FRMD4B: variants seen among roughly 807,000 people sequenced by gnomAD.
FRMD4B encodes FERM domain containing 4B.
FRMD4B carries 74 observed loss-of-function variants against 141.5 expected under a neutral mutation model. The ratio of observed to expected loss-of-function variants is 0.52; its 90% CI spans 0.43 to 0.63. The LOEUF (loss-of-function observed/expected upper bound fraction) is 0.63. FRMD4B is among the 30% of genes least tolerant of loss of function. The probability of loss-of-function intolerance (pLI) is 0.00; values close to 1 mark genes in which losing one functional copy is unlikely to be tolerated. For synonymous variants in FRMD4B, 506 were observed against 467.9 expected (o/e 1.08, Z -1.05); for missense variants, 1,366 against 1,253.4 (o/e 1.09, Z -1.36).
At chr3:69,448,526 T>C (rs1181514592) in intron 1 of FRMD4B, among the ~76,000 whole-genome samples, 1 of 152,232 alleles carries the variant, frequency 6.6e-6, no homozygotes, top group Non-Finnish European at 1.5e-5. Flanking sequence ...TCACTGATAC[T>C]TGCCATTGTT....
At chr3:69,271,995 AAAAT>A (rs965518350) in intron 5 of FRMD4B, among the ~76,000 whole-genome samples, 4 of 152,096 alleles carry the variant, frequency 2.6e-5, no homozygotes, top group South Asian at 2.1e-4. Context: ...AAAATAAAAT[AAAAT>A]AAATAAAATA....
intron 5 of FRMD4B, among the ~76,000 whole-genome samples, chr3:69,262,913 T>C (rs1314691325): frequency 6.6e-6 from 1 of 152,170 alleles, no homozygotes; most frequent in Non-Finnish European, 1.5e-5. Flanking sequence ...ACATACTGTA[T>C]GACTCCTGTC....
intron 1 of FRMD4B, among the ~76,000 whole-genome samples, chr3:69,475,118 C>A (rs1411692209): frequency 1.3e-5 from 2 of 152,168 alleles, no homozygotes; most frequent in Non-Finnish European, 2.9e-5. Flanking sequence ...TTATTACTTA[C>A]CTCACTAGTG....
chr3:69,460,510 G>A (rs1705693234), intron 1 of FRMD4B, among the ~76,000 whole-genome samples: 1 of 152,190 alleles, frequency 6.6e-6, no homozygotes, highest in Admixed American at 6.5e-5. Context: ...ATTGTCATCA[G>A]TAATTCCCAA....
intron 5 of FRMD4B, among the ~76,000 whole-genome samples, chr3:69,251,551 C>T (rs930065556): frequency 1.3e-5 from 2 of 152,160 alleles, no homozygotes; most frequent in Non-Finnish European, 2.9e-5. Context: ...TTCATGTTTC[C>T]CTTATATTAC....
chr3:69,447,686 T>C (rs910939869), intron 1 of FRMD4B, among the ~76,000 whole-genome samples: 6 of 152,350 alleles, frequency 3.9e-5, no homozygotes, highest in African/African-American at 1.4e-4. Flanking sequence ...TATCCCTTTG[T>C]GCTCATTTCT....
intron 1 of FRMD4B, among the ~76,000 whole-genome samples, chr3:69,454,798 G>A (rs963036360): frequency 3.9e-5 from 6 of 152,226 alleles, no homozygotes; most frequent in Non-Finnish European, 7.3e-5. Flanking sequence ...AACTGCTAAA[G>A]GGCTGAGGAG....
intron 5 of FRMD4B, among the ~76,000 whole-genome samples, chr3:69,274,628 C>T (rs548240522): frequency 1.3e-5 from 2 of 152,286 alleles, no homozygotes; most frequent in South Asian, 2.1e-4. Context: ...AAGCAATTCT[C>T]GTGCCTCAAT....
At chr3:69,435,113 TC>T (rs1356201212) in intron 1 of FRMD4B, among the ~76,000 whole-genome samples, 1 of 152,136 alleles carries the variant, frequency 6.6e-6, no homozygotes, top group Non-Finnish European at 1.5e-5. Context: ...AGAGACCCTA[TC>T]CACATGCACA....
At chr3:69,536,305 T>G in intron 1 of FRMD4B, 1 of 642,654 alleles carries the variant, frequency 1.6e-6, no homozygotes, top group Non-Finnish European at 2.9e-6. Flanking sequence ...GATTTTCCTC[T>G]TGTGCTTGGG....
intron 5 of FRMD4B, among the ~76,000 whole-genome samples, chr3:69,276,721 T>C (rs1004127743): frequency 1.3e-5 from 2 of 152,232 alleles, no homozygotes; most frequent in South Asian, 2.1e-4. Flanking sequence ...TTCCAACAAT[T>C]TGGGGGGCTG....
chr3:69,211,860 A>AT (rs1465928139), intron 11 of FRMD4B, among the ~76,000 whole-genome samples: 1 of 152,204 alleles, frequency 6.6e-6, no homozygotes, highest in Non-Finnish European at 1.5e-5. Flanking sequence ...GGTCCTTTAA[A>AT]TTATGCATTC....
At chr3:69,492,582 A>T (rs74992154) in intron 1 of FRMD4B, among the ~76,000 whole-genome samples, 1 of 152,186 alleles carries the variant, frequency 6.6e-6, no homozygotes, top group Non-Finnish European at 1.5e-5. Flanking sequence ...GGACCTTGCT[A>T]TGTGCATAAA....
chr3:69,302,227 C>T, intron 4 of FRMD4B, 116 bp downstream of exon 4: 1 of 673,706 alleles, frequency 1.5e-6, no homozygotes, highest in Admixed American at 2.4e-5. Context: ...GGTCTCTTCT[C>T]TTTTTATTTG....
intron 5 of FRMD4B, among the ~76,000 whole-genome samples, chr3:69,277,113 T>C (rs992636506): frequency 6.6e-6 from 1 of 152,220 alleles, no homozygotes; most frequent in Admixed American, 6.5e-5. Context: ...AGTCTTGCAA[T>C]AACCCTATTT....
intron 1 of FRMD4B, among the ~76,000 whole-genome samples, chr3:69,367,697 G>A (rs1042006960): frequency 6.6e-6 from 1 of 152,058 alleles, no homozygotes; most frequent in South Asian, 2.1e-4. Flanking sequence ...CCATAGTACC[G>A]AGGTACTGTC....
intron 1 of FRMD4B, among the ~76,000 whole-genome samples, chr3:69,480,594 G>A (rs532559160): frequency 1.6e-4 from 24 of 152,232 alleles, no homozygotes; most frequent in Middle Eastern, 3.4e-3. Context: ...ATACCCGGCC[G>A]TGTGAGGTGT....
At position 69,517,562 on chromosome 3, in the gene FRMD4B, T is replaced by C. The variant is rs1575597967; in HGVS notation, c.-129+24644A>G. Among the ~76,000 whole-genome samples the C allele has an allele frequency of 2.0e-5, 3 of 152,296 alleles. No homozygotes were observed. In the South Asian group the frequency reaches 6.2e-4, roughly 32 times the overall value. The stretch of plus-strand genomic sequence containing the variant: ...AGATATTGACCTTTCAAAGGCTTCA[T>C]GTGTAAGCAGTCCAAAACTATCAAA... On this transcript the variant is annotated intron_variant, in intron 1 of 5. Coordinates refer to the FRMD4B transcript ENST00000459638.
intron 1 of FRMD4B, among the ~76,000 whole-genome samples, chr3:69,478,428 T>G (rs968612553): frequency 1.6e-4 from 25 of 151,928 alleles, no homozygotes; most frequent in South Asian, 4.2e-4. Context: ...TGGTTTCAAA[T>G]AACATCTTTA....
Sources: gnomAD v4.1 joint callset for allele counts (sites outside exome capture counted in the v4.1 genomes callset) on GRCh38, gnomAD v4.1.1 for gene constraint, MANE v1.5 for transcripts, NCBI Gene and HGNC (gene_info 2026-07-23, HGNC 2026-07-21) for gene names.